The following VPS53 variants were observed in gnomAD, a reference collection of about 807,000 sequenced individuals.
VPS53 encodes vacuolar protein sorting-associated protein 53 homolog.
VPS53 carries 70 observed loss-of-function variants against 107.0 expected under a neutral mutation model. The ratio of observed to expected loss-of-function variants is 0.65; its 90% CI spans 0.54 to 0.80. VPS53 has a LOEUF of 0.80. Ranked by LOEUF, VPS53 falls within the 30% of genes least tolerant of loss-of-function variation. The probability of loss-of-function intolerance (pLI) is 0.00; values close to 1 mark genes in which losing one functional copy is unlikely to be tolerated. For missense variants in VPS53, 917 were observed against 1,049.4 expected (o/e 0.87, Z 1.74); for synonymous variants, 409 against 393.3 (o/e 1.04, Z -0.47).
chr17:610,747 C>T (rs916228038), intron 11 of VPS53, among the ~76,000 whole-genome samples: 2 of 131,962 alleles, frequency 1.5e-5, no homozygotes, highest in African/African-American at 5.6e-5. Flanking sequence ...AAAACCCCGC[C>T]TCTACTAAAA....
intron 4 of VPS53, among the ~76,000 whole-genome samples, chr17:681,600 T>C (rs948991493): frequency 6.6e-6 from 1 of 152,214 alleles, no homozygotes; most frequent in Non-Finnish European, 1.5e-5. Flanking sequence ...TGGCTTCACA[T>C]AGATATATGT....
At chr17:627,843 G>T (rs1339192300) in intron 9 of VPS53, among the ~76,000 whole-genome samples, 1 of 151,944 alleles carries the variant, frequency 6.6e-6, no homozygotes, top group Non-Finnish European at 1.5e-5. Context: ...GGCCTTCAGG[G>T]GTCTATACAT....
chr17:654,403 C>A (rs558831889), intron 6 of VPS53, among the ~76,000 whole-genome samples: 1 of 152,106 alleles, frequency 6.6e-6, no homozygotes, highest in South Asian at 2.1e-4. Flanking sequence ...TGGGTTATTT[C>A]ATTAAATTTG....
chr17:582,485 T>C (rs919623839), intron 13 of VPS53, among the ~76,000 whole-genome samples: 1 of 144,960 alleles, frequency 6.9e-6, no homozygotes, highest in African/African-American at 2.5e-5. Flanking sequence ...ACCTAGTGCA[T>C]TCCCAGAGAA....
intron 7 of VPS53, among the ~76,000 whole-genome samples, chr17:633,622 T>A (rs1362466069): frequency 2.0e-5 from 3 of 152,152 alleles, no homozygotes; most frequent in African/African-American, 7.2e-5. Context: ...TTTTCCAGTA[T>A]CTTCAAAACT....
chr17:645,337 GTTT>G (rs968823484), intron 7 of VPS53, among the ~76,000 whole-genome samples: 12 of 152,132 alleles, frequency 7.9e-5, no homozygotes, highest in African/African-American at 2.9e-4. Context: ...TCCTTTGCTG[GTTT>G]TTTAATTGAG....
chr17:669,956 A>G (rs1479810509), intron 4 of VPS53, among the ~76,000 whole-genome samples: 1 of 152,158 alleles, frequency 6.6e-6, no homozygotes, highest in African/African-American at 2.4e-5. Context: ...TTCCATTCCA[A>G]GCTGTATGTG....
chr17:664,050 A>C (rs921422694), intron 4 of VPS53, among the ~76,000 whole-genome samples: 1 of 152,022 alleles, frequency 6.6e-6, no homozygotes, highest in Non-Finnish European at 1.5e-5. Context: ...CAGGATGAGG[A>C]GGTGTGAGAA....
chr17:572,513 C>T (rs1385471830), intron 13 of VPS53, among the ~76,000 whole-genome samples: 2 of 151,794 alleles, frequency 1.3e-5, no homozygotes, highest in African/African-American at 2.4e-5. Flanking sequence ...CTCTGCCCAG[C>T]GCGTCTGGGA....
intron 13 of VPS53, among the ~76,000 whole-genome samples, chr17:565,421 A>AG (rs1186290676): frequency 1.4e-5 from 2 of 147,432 alleles, no homozygotes; most frequent in Non-Finnish European, 3.0e-5. Flanking sequence ...AAAAAAAAAA[A>AG]AAAAAGAAAG....
intron 13 of VPS53, among the ~76,000 whole-genome samples, chr17:573,978 T>C (rs565701597): frequency 6.6e-6 from 1 of 152,300 alleles, no homozygotes; most frequent in South Asian, 2.1e-4. Context: ...CTCAAAATAG[T>C]GTGTGCATGA....
At chr17:690,701 C>T (rs1972747777) in intron 4 of VPS53, among the ~76,000 whole-genome samples, 1 of 152,132 alleles carries the variant, frequency 6.6e-6, no homozygotes, top group South Asian at 2.1e-4. Context: ...CTCAGCAAAT[C>T]CAAGGTAATG....
chr17:605,178 C>A (rs1412713392), intron 11 of VPS53, among the ~76,000 whole-genome samples: 1 of 152,174 alleles, frequency 6.6e-6, no homozygotes, highest in Non-Finnish European at 1.5e-5. Context: ...GGCATCCACT[C>A]TGCTCCAGGC....
chr17:597,468 T>C (rs1968029178), intron 12 of VPS53, among the ~76,000 whole-genome samples: 1 of 152,178 alleles, frequency 6.6e-6, no homozygotes, highest in Non-Finnish European at 1.5e-5. Context: ...GTGGAGGCAT[T>C]AGTCACTGGC....
intron 13 of VPS53, among the ~76,000 whole-genome samples, chr17:565,036 A>G (rs1913360640): frequency 6.6e-6 from 1 of 152,272 alleles, no homozygotes; most frequent in African/African-American, 2.4e-5. Context: ...GAAAAAGACA[A>G]GAACCACACA....
Position 553,432 on chromosome 17 carries a change from C to T in VPS53, c.1735G>A (p.Val579Ile). ...LEEKLKEKVD[V>I]SLIERINLTG... is the part of the protein sequence containing the mutation. The stretch of plus-strand genomic sequence containing the variant: ...AGATTGATTCGTTCAATCAGACTTA[C>T]ATCCACTTTTTCTTTGAGTTTTTCT... Residue 579 changes from valine (V) to isoleucine (I), a missense_variant, in exon 16 of 22, where the codon GTA (valine) becomes ATA (isoleucine). By Grantham distance (29) the Val-to-Ile change is conservative (BLOSUM62 3). Coordinates refer to ENST00000437048, the MANE Select transcript of VPS53 (RefSeq NM_001128159.3). 1.9e-6 allele frequency: 3 copies of T among 1,614,090 alleles called. No individual in the cohort carries two copies. The highest frequency in any genetic ancestry group is 2.2e-5 in the East Asian group (1 of 44,888).
chr17:577,481 G>A (rs907049334), intron 13 of VPS53, among the ~76,000 whole-genome samples: 13 of 143,372 alleles, frequency 9.1e-5, no homozygotes, highest in Admixed American at 1.4e-4. Flanking sequence ...GAAAACCTCC[G>A]TCAGGACCTA....
At chr17:641,976 G>T (rs1227446301) in intron 7 of VPS53, among the ~76,000 whole-genome samples, 2 of 152,182 alleles carry the variant, frequency 1.3e-5, no homozygotes, top group African/African-American at 4.8e-5. Context: ...CTGTTCCAAG[G>T]CACCCTTTCC....
rs1907925704 is a variant in VPS53 at position 511,278 on chromosome 17, C to T, written c.*7850G>A. On this transcript the variant is annotated 3_prime_UTR_variant, in exon 22 of 22. Coordinates refer to ENST00000437048, the MANE Select transcript of VPS53 (RefSeq NM_001128159.3). The stretch of plus-strand genomic sequence containing the variant: ...GAGCTGGGGTTTCTTGCCACCATTT[C>T]ACCTGAGACCCCTGAAAGCTGCAGC... 6.6e-6 allele frequency: 1 copy of T among 152,098 alleles called. No individual in the cohort carries two copies. The highest frequency in any genetic ancestry group is 2.4e-5 in the African/African-American group (1 of 41,370). 9.4% of individuals were successfully genotyped at this position (152,098 alleles called of 1,614,324 possible). A position where few individuals can be genotyped will look rare whatever the true frequency, so the allele number is the denominator to read the frequency against.
Sources: gnomAD v4.1 joint callset for allele counts (sites outside exome capture counted in the v4.1 genomes callset) on GRCh38, gnomAD v4.1.1 for gene constraint, MANE v1.5 for transcripts, NCBI Gene and HGNC (gene_info 2026-07-23, HGNC 2026-07-21) for gene names.